LRMDA: variants seen among roughly 807,000 people sequenced by gnomAD.
LRMDA encodes the protein leucine-rich melanocyte differentiation-associated protein.
A neutral mutation model predicts 29.8 loss-of-function variants in LRMDA; 18 were observed. That is an observed-to-expected ratio of 0.60 (90% CI 0.42 to 0.90). LRMDA has a LOEUF of 0.90. LRMDA is among the 40% of genes least tolerant of loss of function. LRMDA has a pLI of 0.00. For synonymous variants in LRMDA, 125 were observed against 109.4 expected (o/e 1.14, Z -0.89); for missense variants, 273 against 273.9 (o/e 1.00, Z 0.02).
chr10:76,476,123 A>G (rs1842667591), intron 6 of LRMDA, among the ~76,000 whole-genome samples: 1 of 152,140 alleles, frequency 6.6e-6, no homozygotes, highest in Admixed American at 6.6e-5. Flanking sequence ...TGGTTTTTTG[A>G]AAAGATCAAC....
intron 6 of LRMDA, among the ~76,000 whole-genome samples, chr10:76,417,786 T>C (rs920448241): frequency 2.0e-5 from 3 of 152,210 alleles, no homozygotes; most frequent in Non-Finnish European, 4.4e-5. Context: ...ATGACGGTAT[T>C]ATCCTGTGTT....
chr10:75,678,914 A>G (rs1433250544), intron 2 of LRMDA, among the ~76,000 whole-genome samples: 1 of 152,166 alleles, frequency 6.6e-6, no homozygotes, highest in East Asian at 1.9e-4. Context: ...GTTTTACTGG[A>G]AATTAAACGG....
chr10:75,468,542 A>T (rs1048096061), intron 2 of LRMDA, among the ~76,000 whole-genome samples: 25 of 152,222 alleles, frequency 1.6e-4, no homozygotes, highest in African/African-American at 5.1e-4. Flanking sequence ...CCCAGTGCTC[A>T]TGGGTTAGAG....
intron 2 of LRMDA, among the ~76,000 whole-genome samples, chr10:75,952,279 A>G (rs1846589858): frequency 1.3e-5 from 2 of 152,216 alleles, no homozygotes; most frequent in African/African-American, 4.8e-5. Flanking sequence ...AATGAAAGTA[A>G]TTGAAAATAT....
At chr10:75,660,229 C>T (rs896722070) in intron 2 of LRMDA, among the ~76,000 whole-genome samples, 1 of 152,208 alleles carries the variant, frequency 6.6e-6, no homozygotes, top group Non-Finnish European at 1.5e-5. Context: ...CTTTTGATGT[C>T]CCTTCCCTGC....
At chr10:76,194,389 G>C (rs901944652) in intron 5 of LRMDA, among the ~76,000 whole-genome samples, 1 of 152,182 alleles carries the variant, frequency 6.6e-6, no homozygotes, top group Non-Finnish European at 1.5e-5. Flanking sequence ...GGCAGTCAGG[G>C]ATGCCTGGGC....
At chr10:75,556,825 T>C (rs937026857) in intron 2 of LRMDA, among the ~76,000 whole-genome samples, 2 of 150,310 alleles carry the variant, frequency 1.3e-5, no homozygotes, top group Admixed American at 6.7e-5. Flanking sequence ...AAATTAATAA[T>C]GTATATCGTA....
chr10:76,486,311 T>C (rs1410212777), intron 6 of LRMDA, among the ~76,000 whole-genome samples: 1 of 151,926 alleles, frequency 6.6e-6, no homozygotes, highest in Non-Finnish European at 1.5e-5. Flanking sequence ...CTATATTCCC[T>C]GAAGCTGCCC....
intron 5 of LRMDA, among the ~76,000 whole-genome samples, chr10:76,276,053 C>CTT (rs150054728): frequency 7.1e-6 from 1 of 139,936 alleles, no homozygotes; most frequent in Admixed American, 7.1e-5. Flanking sequence ...ATCTATCTAT[C>CTT]TCTTTCTTTC....
intron 6 of LRMDA, among the ~76,000 whole-genome samples, chr10:76,430,515 G>A (rs1842179611): frequency 6.6e-6 from 1 of 152,136 alleles, no homozygotes; most frequent in Non-Finnish European, 1.5e-5. Flanking sequence ...TACAAAATTA[G>A]CCACTGCATC....
intron 2 of LRMDA, among the ~76,000 whole-genome samples, chr10:75,602,857 A>G (rs1239797302): frequency 3.3e-5 from 5 of 152,336 alleles, no homozygotes; most frequent in Middle Eastern, 6.8e-3. Flanking sequence ...TCTGTTCTCA[A>G]AAGCCAAGCA....
intron 5 of LRMDA, among the ~76,000 whole-genome samples, chr10:76,064,775 A>C (rs1316962207): frequency 1.3e-5 from 2 of 152,260 alleles, no homozygotes; most frequent in African/African-American, 2.4e-5. Context: ...ATAAATAAAC[A>C]TTATAAATCA....
At chr10:75,837,846 G>A (rs2132297665) in intron 2 of LRMDA, among the ~76,000 whole-genome samples, 1 of 152,200 alleles carries the variant, frequency 6.6e-6, no homozygotes, top group South Asian at 2.1e-4. Flanking sequence ...TTGTGTGATG[G>A]TGATGGATTT....
At chr10:76,478,398 C>A (rs1176513429) in intron 6 of LRMDA, among the ~76,000 whole-genome samples, 1 of 152,126 alleles carries the variant, frequency 6.6e-6, no homozygotes, top group East Asian at 1.9e-4. Flanking sequence ...CAGGAAACAA[C>A]AGGTGCTGGA....
intron 6 of LRMDA, among the ~76,000 whole-genome samples, chr10:76,505,230 C>G (rs1842947049): frequency 6.6e-6 from 1 of 151,772 alleles, no homozygotes; most frequent in South Asian, 2.1e-4. Flanking sequence ...CTCTAGCTAC[C>G]TTTATGATGT....
chr10:75,724,474 G>A (rs1245420963), intron 2 of LRMDA, among the ~76,000 whole-genome samples: 3 of 152,228 alleles, frequency 2.0e-5, no homozygotes, highest in African/African-American at 4.8e-5. Context: ...AAATTTATCT[G>A]AGGTATGGGA....
intron 2 of LRMDA, among the ~76,000 whole-genome samples, chr10:75,653,662 A>G (rs1478198741): frequency 6.6e-6 from 1 of 152,208 alleles, no homozygotes; most frequent in East Asian, 1.9e-4. Flanking sequence ...ATGCTTCGCT[A>G]AAGAGCCATC....
intron 2 of LRMDA, among the ~76,000 whole-genome samples, chr10:75,959,619 T>C (rs1846727392): frequency 6.6e-6 from 1 of 152,176 alleles, no homozygotes; most frequent in South Asian, 2.1e-4. Flanking sequence ...AGCTAAGTAG[T>C]TTAGAAGGCC....
At chr10:76,145,255 A>T (rs559892806) in intron 5 of LRMDA, among the ~76,000 whole-genome samples, 4 of 152,274 alleles carry the variant, frequency 2.6e-5, no homozygotes, top group African/African-American at 7.2e-5. Context: ...GAATAGTTTC[A>T]GAAGGAATGG....
Sources: gnomAD v4.1 joint callset for allele counts (sites outside exome capture counted in the v4.1 genomes callset) on GRCh38, gnomAD v4.1.1 for gene constraint, MANE v1.5 for transcripts, NCBI Gene and HGNC (gene_info 2026-07-23, HGNC 2026-07-21) for gene names.